The following OCA2 variants were observed in gnomAD, a reference collection of about 807,000 sequenced individuals.
OCA2 encodes P protein.
A neutral mutation model predicts 100.2 loss-of-function variants in OCA2; 77 were observed. The observed-to-expected ratio is 0.77, with a 90% confidence interval of 0.64 to 0.93. The LOEUF (loss-of-function observed/expected upper bound fraction) is 0.93. Ranked by LOEUF, OCA2 falls within the 40% of genes least tolerant of loss-of-function variation. The pLI is 0.00. For synonymous variants in OCA2, 432 were observed against 439.2 expected, an observed-to-expected ratio of 0.98 and a Z score of 0.21; for missense variants, 1,062 against 1,089.1, an observed-to-expected ratio of 0.98 and a Z score of 0.35.
intron 2 of OCA2, among the ~76,000 whole-genome samples, chr15:28,078,472 G>A (rs2044506143): frequency 6.6e-6 from 1 of 152,190 alleles, no homozygotes; most frequent in Admixed American, 6.5e-5. Context: ...GGTCACAAAA[G>A]ACTATCCCTT....
intron 23 of OCA2, among the ~76,000 whole-genome samples, chr15:27,794,137 T>C (rs2033218355): frequency 1.3e-5 from 2 of 152,218 alleles, no homozygotes; most frequent in African/African-American, 4.8e-5. Flanking sequence ...TGTGTGTTCC[T>C]GGATCAGCAC....
intron 19 of OCA2, among the ~76,000 whole-genome samples, chr15:27,902,862 A>G (rs1338721657): frequency 6.6e-6 from 1 of 152,238 alleles, no homozygotes; most frequent in African/African-American, 2.4e-5. Flanking sequence ...TTCCAGGCAC[A>G]GTGCGTTCCT....
intron 9 of OCA2, among the ~76,000 whole-genome samples, chr15:28,011,782 G>C (rs911778741): frequency 6.6e-6 from 1 of 151,946 alleles, no homozygotes; most frequent in Non-Finnish European, 1.5e-5. Flanking sequence ...GTCAGGTGTG[G>C]TGGCACGCAC....
chr15:27,756,397 A>G (rs750479941), intron 23 of OCA2, among the ~76,000 whole-genome samples: 5 of 152,248 alleles, frequency 3.3e-5, no homozygotes, highest in Non-Finnish European at 5.9e-5. Flanking sequence ...TGAGCGAGAC[A>G]GCTCCCGAAA....
the OCA2 span, among the ~76,000 whole-genome samples, chr15:27,719,971 C>A: frequency 2.7e-4 from 41 of 152,230 alleles, no homozygotes; most frequent in African/African-American, 8.9e-4. Flanking sequence ...AAACCTTCCC[C>A]TCTCACATAC....
intron 18 of OCA2, among the ~76,000 whole-genome samples, chr15:27,937,557 C>T (rs917593616): frequency 2.0e-5 from 3 of 152,226 alleles, no homozygotes; most frequent in Non-Finnish European, 4.4e-5. Flanking sequence ...CACAATCTTT[C>T]AGCACTCAGT....
intron 2 of OCA2, among the ~76,000 whole-genome samples, chr15:28,058,566 C>A (rs973879021): frequency 1.3e-5 from 2 of 152,150 alleles, no homozygotes; most frequent in African/African-American, 4.8e-5. Flanking sequence ...ACCTCCTCAT[C>A]CCCCTGAGGT....
chr15:27,967,963 G>T (rs1455428417), intron 14 of OCA2, among the ~76,000 whole-genome samples: 4 of 152,178 alleles, frequency 2.6e-5, no homozygotes, highest in Non-Finnish European at 1.5e-5. Flanking sequence ...CTGACGTCCT[G>T]GAATAAGTCA....
At chr15:27,918,011 T>C (rs546550320) in intron 19 of OCA2, among the ~76,000 whole-genome samples, 1 of 151,976 alleles carries the variant, frequency 6.6e-6, no homozygotes, top group East Asian at 1.9e-4. Flanking sequence ...TTATTGAACA[T>C]CTTGCAAAAC....
At chr15:27,844,042 C>T (rs575288279) in intron 23 of OCA2, among the ~76,000 whole-genome samples, 1 of 152,244 alleles carries the variant, frequency 6.6e-6, no homozygotes, top group South Asian at 2.1e-4. Context: ...TTCATTTTAA[C>T]AGCACCATTT....
chr15:27,724,627 A>G, the OCA2 span, among the ~76,000 whole-genome samples: 1 of 152,240 alleles, frequency 6.6e-6, no homozygotes, highest in South Asian at 2.1e-4. Context: ...ATTACTGCAC[A>G]GTACCCTCCC....
rs935097095 is a variant in OCA2 at position 27,872,528 on chromosome 15, C to T, written c.2080-606G>A. 3.9e-5 allele frequency among the ~76,000 whole-genome samples: 6 copies of T among 152,244 alleles called. No homozygotes were observed. In the East Asian group the frequency reaches 7.7e-4, roughly 20 times the overall value. Reference sequence around the variant, plus strand: ...CCACACAGGGATGCCCAGAGGCTCACGACCGAGCCACTGTGAGAGGTCACC... The same window carrying T: ...CCACACAGGGATGCCCAGAGGCTCATGACCGAGCCACTGTGAGAGGTCACC... On this transcript the variant is annotated intron_variant, in intron 19 of 23. Transcript: ENST00000354638.
Position 27,931,453 on chromosome 15 carries a change from G to A in OCA2, c.1952-5199C>T, listed in dbSNP as rs1465687929. On this transcript the variant is annotated intron_variant, in intron 18 of 23. Transcript: ENST00000354638. ...AGGTTCAAGTGATTCTCCTGCCTCA[G>A]CCTCCTGAGTAGCTGGGATTACAGG... is the stretch of plus-strand genomic sequence containing the variant. 3.3e-5 allele frequency among the ~76,000 whole-genome samples: 5 copies of A among 152,136 alleles called. No individual in the cohort carries two copies. In the East Asian group the frequency reaches 9.7e-4, roughly 30 times the overall value.
chr15:27,972,226 A>T (rs2040815182), intron 14 of OCA2, among the ~76,000 whole-genome samples: 1 of 151,844 alleles, frequency 6.6e-6, no homozygotes, highest in East Asian at 1.9e-4. Context: ...CTCTCTCTCA[A>T]ATTTTCTTTA....
intron 2 of OCA2, among the ~76,000 whole-genome samples, chr15:28,054,890 G>T (rs2043640769): frequency 6.6e-6 from 1 of 152,168 alleles, no homozygotes; most frequent in African/African-American, 2.4e-5. Flanking sequence ...CGTGGTGGGA[G>T]GAGAGAGAAG....
At chr15:28,023,319 TCTC>T (rs1050327881) in intron 5 of OCA2, among the ~76,000 whole-genome samples, 1 of 152,188 alleles carries the variant, frequency 6.6e-6, no homozygotes, top group African/African-American at 2.4e-5. Flanking sequence ...GGGTCACAGA[TCTC>T]CTCCCTCATG....
At chr15:27,882,477 C>T (rs2037060068) in intron 19 of OCA2, among the ~76,000 whole-genome samples, 1 of 152,174 alleles carries the variant, frequency 6.6e-6, no homozygotes, top group African/African-American at 2.4e-5. Context: ...TTCTTTACCT[C>T]ATTGATCATA....
chr15:27,770,827 TTC>T, intron 23 of OCA2, among the ~76,000 whole-genome samples: 1 of 128,000 alleles, frequency 7.8e-6, no homozygotes, highest in African/African-American at 3.4e-5. Flanking sequence ...CCTTCCATTC[TTC>T]CTTCCTCCCT....
chr15:27,838,553 G>A (rs958782250), intron 23 of OCA2, among the ~76,000 whole-genome samples: 1 of 152,200 alleles, frequency 6.6e-6, no homozygotes, highest in Non-Finnish European at 1.5e-5. Flanking sequence ...AATGCTACAT[G>A]TTAGGCCCAT....
Sources: allele counts gnomAD v4.1 joint callset (sites outside exome capture counted in the v4.1 genomes callset), GRCh38; gene constraint gnomAD v4.1.1; transcripts MANE v1.5; gene names NCBI Gene and HGNC (gene_info 2026-07-23, HGNC 2026-07-21).